The following ELMO1 variants were observed in gnomAD, a reference collection of about 807,000 sequenced individuals.
ELMO1 encodes the protein engulfment and cell motility protein 1.
ELMO1 carries 26 observed loss-of-function variants against 98.9 expected under a neutral mutation model. That is an observed-to-expected ratio of 0.26 (90% CI 0.19 to 0.36). The LOEUF is 0.36. Among genes scored for constraint, ELMO1 ranks in the 10% least tolerant of loss-of-function variants. The probability of loss-of-function intolerance (pLI) is 1.00; values close to 1 mark genes in which losing one functional copy is unlikely to be tolerated. For synonymous variants in ELMO1, 346 were observed against 346.0 expected, an observed-to-expected ratio of 1.00 and a Z score of 0.00; for missense variants, 627 against 935.2, an observed-to-expected ratio of 0.67 and a Z score of 4.30.
intron 15 of ELMO1, among the ~76,000 whole-genome samples, chr7:37,050,697 C>G (rs1796061662): frequency 6.7e-6 from 1 of 148,962 alleles, no homozygotes; most frequent in Admixed American, 6.7e-5. Flanking sequence ...ACTGGCTTGA[C>G]TGTAGAAATC....
intron 13 of ELMO1, among the ~76,000 whole-genome samples, chr7:37,171,414 T>C (rs1790143712): frequency 6.6e-6 from 1 of 151,748 alleles, no homozygotes; most frequent in Non-Finnish European, 1.5e-5. Context: ...TTTAAATATC[T>C]GATTTCTAGG....
At chr7:37,262,610 T>A (rs1796031111) in intron 5 of ELMO1, among the ~76,000 whole-genome samples, 1 of 152,196 alleles carries the variant, frequency 6.6e-6, no homozygotes, top group African/African-American at 2.4e-5. Context: ...AACTTTTCTT[T>A]AAAAAGTGCA....
chr7:37,352,365 G>C (rs998009448), intron 1 of ELMO1, among the ~76,000 whole-genome samples: 1 of 152,202 alleles, frequency 6.6e-6, no homozygotes, highest in African/African-American at 2.4e-5. Flanking sequence ...GCCTCCCAAA[G>C]TACTGGGATT....
At chr7:37,244,324 A>T (rs759727765) in intron 7 of ELMO1, 32 bp downstream of exon 7, 1 of 1,609,394 alleles carries the variant, frequency 6.2e-7, no homozygotes, top group Non-Finnish European at 8.5e-7. Context: ...GAAGGGTTAA[A>T]TCATCAATAT....
At chr7:37,138,609 G>T (rs1003899084) in intron 13 of ELMO1, among the ~76,000 whole-genome samples, 1 of 152,086 alleles carries the variant, frequency 6.6e-6, no homozygotes, top group Non-Finnish European at 1.5e-5. Context: ...AAAAGTCCAG[G>T]ACCAGATGGA....
intron 15 of ELMO1, among the ~76,000 whole-genome samples, chr7:37,066,082 C>T (rs1008636537): frequency 6.6e-6 from 1 of 152,184 alleles, no homozygotes; most frequent in Non-Finnish European, 1.5e-5. Context: ...GACTTTGTTC[C>T]TCATTCACCT....
At chr7:37,082,486 T>C (rs775257785) in intron 15 of ELMO1, among the ~76,000 whole-genome samples, 4 of 152,132 alleles carry the variant, frequency 2.6e-5, no homozygotes, top group Non-Finnish European at 5.9e-5. Context: ...GTCAGCTTGC[T>C]CGAGTCCAGG....
intron 15 of ELMO1, among the ~76,000 whole-genome samples, chr7:37,026,728 G>C (rs1794598533): frequency 6.6e-6 from 1 of 152,096 alleles, no homozygotes. Flanking sequence ...CCAAAGCCCA[G>C]ACCTCTGCTA....
At chr7:37,327,680 A>G (rs1799888697) in intron 2 of ELMO1, among the ~76,000 whole-genome samples, 1 of 152,070 alleles carries the variant, frequency 6.6e-6, no homozygotes, top group South Asian at 2.1e-4. Context: ...TGGATGTACT[A>G]ATGGCAATTC....
At chr7:37,035,410 G>C (rs1476501842) in intron 15 of ELMO1, among the ~76,000 whole-genome samples, 1 of 152,114 alleles carries the variant, frequency 6.6e-6, no homozygotes, top group Admixed American at 6.5e-5. Context: ...TAGCAATTCT[G>C]CACCCACACA....
intron 9 of ELMO1, among the ~76,000 whole-genome samples, chr7:37,224,145 C>G (rs1340897105): frequency 6.6e-6 from 1 of 152,214 alleles, no homozygotes; most frequent in East Asian, 1.9e-4. Flanking sequence ...CCAATAACCT[C>G]CTTTCCTGTG....
At chr7:37,380,849 T>TAACA (rs1802550952) in intron 1 of ELMO1, among the ~76,000 whole-genome samples, 1 of 152,362 alleles carries the variant, frequency 6.6e-6, no homozygotes, top group East Asian at 1.9e-4. Context: ...GAAGCTCATC[T>TAACA]AACACTCATA....
intron 1 of ELMO1, among the ~76,000 whole-genome samples, chr7:37,362,919 G>A (rs970298267): frequency 3.3e-5 from 5 of 152,190 alleles, no homozygotes; most frequent in Non-Finnish European, 7.3e-5. Context: ...TGGAGAGCCA[G>A]GTTCTCTCTT....
chr7:37,085,104 G>A (rs755517787), intron 15 of ELMO1, among the ~76,000 whole-genome samples: 1 of 152,138 alleles, frequency 6.6e-6, no homozygotes, highest in African/African-American at 2.4e-5. Flanking sequence ...CCAAGGCTGG[G>A]AGACCTGATT....
intron 16 of ELMO1, among the ~76,000 whole-genome samples, chr7:36,899,147 G>A (rs1346666648): frequency 1.3e-5 from 2 of 152,202 alleles, no homozygotes; most frequent in Non-Finnish European, 2.9e-5. Context: ...GGAGCTGCAA[G>A]GTGTGGTTGA....
chr7:37,103,616 A>G (rs1784766397), intron 14 of ELMO1, among the ~76,000 whole-genome samples: 1 of 152,108 alleles, frequency 6.6e-6, no homozygotes, highest in Non-Finnish European at 1.5e-5. Context: ...AACGTGGCAC[A>G]TGTATACATA....
intron 16 of ELMO1, among the ~76,000 whole-genome samples, chr7:36,927,253 C>T (rs1785653549): frequency 6.6e-6 from 1 of 152,048 alleles, no homozygotes; most frequent in Admixed American, 6.6e-5. Context: ...GCTATCCCTG[C>T]CTCAAGAGAC....
At chr7:37,350,243 C>A (rs548696339) in intron 1 of ELMO1, among the ~76,000 whole-genome samples, 2 of 152,314 alleles carry the variant, frequency 1.3e-5, no homozygotes, top group East Asian at 3.9e-4. Context: ...AGAATGGAAT[C>A]CAGTGTGGAG....
intron 2 of ELMO1, among the ~76,000 whole-genome samples, chr7:37,333,662 AAAGT>A (rs1279035858): frequency 6.6e-6 from 1 of 152,366 alleles, no homozygotes; most frequent in African/African-American, 2.4e-5. Context: ...TAAAACCAGA[AAAGT>A]AAGTACCCCA....
Sources: allele counts gnomAD v4.1 joint callset (sites outside exome capture counted in the v4.1 genomes callset), GRCh38; gene constraint gnomAD v4.1.1; transcripts MANE v1.5; gene names NCBI Gene and HGNC (gene_info 2026-07-23, HGNC 2026-07-21).